The following UBE2E2 variants were observed in gnomAD, a reference collection of about 807,000 sequenced individuals.
UBE2E2 encodes ubiquitin-conjugating enzyme E2 E2.
UBE2E2 carries 6 observed loss-of-function variants against 24.7 expected under a neutral mutation model. That is an observed-to-expected ratio of 0.24 (90% CI 0.13 to 0.48). The LOEUF is 0.48. Ranked by LOEUF, UBE2E2 falls within the 20% of genes least tolerant of loss-of-function variation. The pLI is 0.99. For synonymous variants in UBE2E2, 104 were observed against 83.6 expected (o/e 1.24, Z -1.33); for missense variants, 169 against 245.0 (o/e 0.69, Z 2.07).
At chr3:23,443,365 T>A (rs893175041) in intron 3 of UBE2E2, among the ~76,000 whole-genome samples, 11 of 152,152 alleles carry the variant, frequency 7.2e-5, no homozygotes, top group African/African-American at 2.7e-4. Context: ...AAGGAGAATA[T>A]GGTTTGGTAG....
intron 3 of UBE2E2, among the ~76,000 whole-genome samples, chr3:23,272,319 C>T (rs1012147204): frequency 4.0e-5 from 5 of 125,952 alleles, no homozygotes; most frequent in Non-Finnish European, 5.3e-5. Flanking sequence ...GCCAAGCCCA[C>T]GCCCACCCAG....
At position 23,329,578 on chromosome 3, in the gene UBE2E2, T is replaced by C. The variant is rs373795008; in HGVS notation, c.227+112266T>C. On this transcript the variant is annotated intron_variant, in intron 3 of 5. Transcript: ENST00000396703. ...AATTTTCTCAATATTATTGTTTCCA[T>C]TGGTATGCAAGCTAATTAGATACAA... Among the ~76,000 whole-genome samples the C allele has an allele frequency of 5.4e-4, 82 of 152,356 alleles. 1 individual carries two copies. The East Asian group carries it at 9.8e-3, about 18-fold the overall frequency.
intron 3 of UBE2E2, among the ~76,000 whole-genome samples, chr3:23,446,699 GTT>G (rs57327621): frequency 6.2e-5 from 7 of 112,222 alleles, no homozygotes; most frequent in South Asian, 3.3e-4. Context: ...CGTCTGTTTG[GTT>G]TTTTTTTTTT....
rs1239992856 is a variant in UBE2E2 at position 23,234,685 on chromosome 3, C to T, written c.227+17373C>T. On this transcript the variant is annotated intron_variant, in intron 3 of 5. Coordinates refer to ENST00000396703, the MANE Select transcript of UBE2E2 (RefSeq NM_152653.4). ...AGGTAGGGGGCAGTCTCTTGCTGTA[C>T]TAATCTCTAATGGCTTAGAATAAAT... Among the ~76,000 whole-genome samples, 4 of 152,100 alleles carry T rather than the reference C, an allele frequency of 2.6e-5. No homozygotes were observed. The East Asian group carries it at 7.7e-4, about 29-fold the overall frequency.
At chr3:23,450,118 C>T (rs1195050905) in intron 3 of UBE2E2, among the ~76,000 whole-genome samples, 1 of 152,160 alleles carries the variant, frequency 6.6e-6, no homozygotes, top group African/African-American at 2.4e-5. Context: ...GAGATAAAAG[C>T]CTGCTTTTAT....
chr3:23,364,163 AAAAAGTT>A (rs971973108), intron 3 of UBE2E2, among the ~76,000 whole-genome samples: 14 of 152,066 alleles, frequency 9.2e-5, no homozygotes, highest in Admixed American at 4.6e-4. Flanking sequence ...GAAACGGACT[AAAAAGTT>A]AAAAGTTAAA....
chr3:23,569,769 A>G (rs1696181228), intron 5 of UBE2E2, among the ~76,000 whole-genome samples: 1 of 152,204 alleles, frequency 6.6e-6, no homozygotes, highest in Non-Finnish European at 1.5e-5. Flanking sequence ...GACATTTTAT[A>G]TTTCAAAGTG....
intron 5 of UBE2E2, among the ~76,000 whole-genome samples, chr3:23,572,981 G>T (rs995424415): frequency 3.3e-5 from 5 of 152,082 alleles, no homozygotes; most frequent in Non-Finnish European, 5.9e-5. Flanking sequence ...ATACCCTGGG[G>T]TGAAATGCTT....
intron 3 of UBE2E2, among the ~76,000 whole-genome samples, chr3:23,343,431 C>G (rs556288093): frequency 6.6e-6 from 1 of 152,106 alleles, no homozygotes; most frequent in South Asian, 2.1e-4. Flanking sequence ...CAAAAATTAG[C>G]TGGGTGTCGT....
intron 5 of UBE2E2, among the ~76,000 whole-genome samples, chr3:23,574,726 C>T (rs1414726748): frequency 6.6e-6 from 1 of 152,006 alleles, no homozygotes; most frequent in Non-Finnish European, 1.5e-5. Context: ...AGACCTTGTC[C>T]CTAAGAAAGA....
rs578071059 is a variant in UBE2E2 at position 23,357,433 on chromosome 3, A to T, written c.227+140121A>T. On this transcript the variant is annotated intron_variant, in intron 3 of 5. Coordinates refer to ENST00000396703, the MANE Select transcript of UBE2E2 (RefSeq NM_152653.4). Reference sequence around the variant, plus strand: ...TGTGAGTGTGTATATGTATATCTGCATACACATAAATGAGATTATATCCAT... The same window carrying T: ...TGTGAGTGTGTATATGTATATCTGCTTACACATAAATGAGATTATATCCAT... 1.6e-4 allele frequency among the ~76,000 whole-genome samples: 24 copies of T among 152,238 alleles called. No individual in the cohort carries two copies. The East Asian group carries it at 4.6e-3, about 29-fold the overall frequency.
rs545404931 is a variant in UBE2E2 at position 23,349,155 on chromosome 3, A to G, written c.227+131843A>G. ...ACTGGCACAGCTTGCCTGCTGACCAAGTGGATGAAGTCAAAGCAAAACCTG... is the reference window on the plus strand; with the variant it reads ...ACTGGCACAGCTTGCCTGCTGACCAGGTGGATGAAGTCAAAGCAAAACCTG... On this transcript the variant is annotated intron_variant, in intron 3 of 5. Coordinates refer to ENST00000396703, the MANE Select transcript of UBE2E2 (RefSeq NM_152653.4). Among the ~76,000 whole-genome samples the G allele has an allele frequency of 3.9e-5, 6 of 152,328 alleles. No individual in the cohort carries two copies. In the South Asian group the frequency reaches 1.2e-3, roughly 32 times the overall value.
intron 3 of UBE2E2, among the ~76,000 whole-genome samples, chr3:23,498,952 TTCA>T (rs1182337948): frequency 6.6e-6 from 1 of 152,194 alleles, no homozygotes; most frequent in Non-Finnish European, 1.5e-5. Flanking sequence ...TTGTTATTAA[TTCA>T]TCATCATCCA....
rs1433317287 is a variant in UBE2E2 at position 23,217,399 on chromosome 3, T to G, written c.227+87T>G. On this transcript the variant is annotated intron_variant, in intron 3 of 5. Coordinates refer to ENST00000396703, the MANE Select transcript of UBE2E2 (RefSeq NM_152653.4). ...GTTTTATATGCAGCTGTTGTTGTAGTCTGATTAATTAGTAAAAACATCATT... is the reference window on the plus strand; with the variant it reads ...GTTTTATATGCAGCTGTTGTTGTAGGCTGATTAATTAGTAAAAACATCATT... 3.4e-6 allele frequency: 4 copies of G among 1,179,602 alleles called. No homozygotes were observed. The Admixed American group carries it at 7.4e-5, about 22-fold the overall frequency. The allele number at this position is 1,179,602 out of a possible 1,614,324, so 73.1% of individuals were successfully genotyped here.
intron 3 of UBE2E2, among the ~76,000 whole-genome samples, chr3:23,308,162 A>C (rs1699285069): frequency 6.6e-6 from 1 of 152,220 alleles, no homozygotes; most frequent in Non-Finnish European, 1.5e-5. Flanking sequence ...ATGTCTAAGA[A>C]GAACAAAATG....
chr3:23,459,209 A>G (rs934439884), intron 3 of UBE2E2, among the ~76,000 whole-genome samples: 1 of 152,232 alleles, frequency 6.6e-6, no homozygotes, highest in African/African-American at 2.4e-5. Flanking sequence ...AAATTCTATA[A>G]GGGCTACCCT....
At chr3:23,232,819 A>G (rs1294035857) in intron 3 of UBE2E2, among the ~76,000 whole-genome samples, 1 of 152,232 alleles carries the variant, frequency 6.6e-6, no homozygotes, top group East Asian at 1.9e-4. Context: ...AAAGATGACC[A>G]TCATGTGTAT....
At chr3:23,385,418 T>G (rs1444287265) in intron 3 of UBE2E2, among the ~76,000 whole-genome samples, 3 of 152,196 alleles carry the variant, frequency 2.0e-5, no homozygotes, top group African/African-American at 7.2e-5. Flanking sequence ...CTATTTTAGA[T>G]CACCATGCCA....
At chr3:23,239,497 A>G (rs945716000) in intron 3 of UBE2E2, among the ~76,000 whole-genome samples, 9 of 151,332 alleles carry the variant, frequency 5.9e-5, no homozygotes, top group Non-Finnish European at 1.3e-4. Flanking sequence ...GGATTTGTCT[A>G]TTCTGGGCAT....
Sources: allele counts gnomAD v4.1 joint callset (sites outside exome capture counted in the v4.1 genomes callset), GRCh38; gene constraint gnomAD v4.1.1; transcripts MANE v1.5; gene names NCBI Gene and HGNC (gene_info 2026-07-23, HGNC 2026-07-21).